ADD2: variants seen among roughly 807,000 people sequenced by gnomAD.
The protein encoded by ADD2 is beta-adducin.
ADD2 carries 23 observed loss-of-function variants against 83.0 expected under a neutral mutation model. The ratio of observed to expected loss-of-function variants is 0.28; its 90% CI spans 0.20 to 0.39. ADD2 has a LOEUF of 0.39. Ranked by LOEUF, ADD2 falls within the 10% of genes least tolerant of loss-of-function variation. The pLI is 1.00. For synonymous variants in ADD2, 375 were observed against 375.4 expected, an observed-to-expected ratio of 1.00 and a Z score of 0.01; for missense variants, 758 against 944.9, an observed-to-expected ratio of 0.80 and a Z score of 2.59.
chr2:70,767,670 C>G, intron 1 of ADD2: 1 of 1,376,068 alleles, frequency 7.3e-7, no homozygotes, highest in Non-Finnish European at 9.3e-7. Context: ...CTTGCAGCCC[C>G]GATTTCCTAA....
intron 1 of ADD2, among the ~76,000 whole-genome samples, chr2:70,729,866 G>A (rs1439594558): frequency 6.6e-6 from 1 of 152,190 alleles, no homozygotes; most frequent in Admixed American, 6.5e-5. Context: ...TTCCAGGCTT[G>A]CATTTCCAGC....
intron 15 of ADD2, among the ~76,000 whole-genome samples, chr2:70,668,487 CT>C (rs1553366546): frequency 6.6e-6 from 1 of 152,214 alleles, no homozygotes; most frequent in Admixed American, 6.5e-5. Flanking sequence ...TGTCATTTAT[CT>C]TTTTTTCTTT....
intron 15 of ADD2, among the ~76,000 whole-genome samples, chr2:70,669,458 T>A (rs1304539137): frequency 1.3e-5 from 2 of 152,206 alleles, no homozygotes; most frequent in Non-Finnish European, 2.9e-5. Context: ...CCCCAAAAAC[T>A]GAGAGTACCA....
chr2:70,678,105 AAG>A (rs1286662144), intron 11 of ADD2, among the ~76,000 whole-genome samples: 72 of 152,204 alleles, frequency 4.7e-4, no homozygotes, highest in Non-Finnish European at 1.3e-4. Flanking sequence ...GTCGGCTATA[AAG>A]AACATCCAAG....
At chr2:70,747,568 T>C (rs3821251) in intron 1 of ADD2, among the ~76,000 whole-genome samples, 98,342 of 151,808 alleles carry the variant, frequency 0.65, 32,934 homozygotes, top group East Asian at 0.9. Flanking sequence ...GGCTCTATCA[T>C]GCCACATGCT....
Position 70,706,187 on chromosome 2 carries a change from C to A in ADD2, c.183+39G>T. 1 of 1,600,624 alleles carries A rather than the reference C, an allele frequency of 6.2e-7. No individual in the cohort carries two copies. Among genetic ancestry groups the A allele is most frequent in the South Asian group, 1.1e-5 (1 of 89,502 alleles). On this transcript the variant is annotated intron_variant, in intron 3 of 15. Transcript: ENST00000264436. The surrounding 1 kb of genome is among the most constrained non-coding windows in gnomAD (Gnocchi z 5.0). ...GGGTACACGTCCTGAAGAGCCAGCG[C>A]CCCCTGCGCCCTCTCCCGCCCGGGT...
At position 70,676,635 on chromosome 2, in the gene ADD2, C is replaced by T; in HGVS notation, c.1593+161G>A. On this transcript the variant is annotated intron_variant, in intron 13 of 15. Transcript: ENST00000264436. The surrounding 1 kb of genome is among the most constrained non-coding windows in gnomAD (Gnocchi z 4.8). The stretch of plus-strand genomic sequence containing the variant: ...TGTCCTCCCTGGTCCTCACAGCACC[C>T]CTGTGAGGTTGGCCTCCATTTTGCA... The T allele has an allele frequency of 6.8e-7, 1 of 1,478,482 alleles. No homozygotes were observed. 91.6% of individuals were successfully genotyped at this position (1,478,482 alleles called of 1,614,324 possible).
Position 70,665,818 on chromosome 2 carries a change from G to GT in ADD2, c.1871-2084dup, listed in dbSNP as rs36101912. Among the ~76,000 whole-genome samples, 843 of 144,376 alleles carry GT rather than the reference G, an allele frequency of 5.8e-3. 15 individuals carry two copies. The East Asian group carries it at 0.064, about 11-fold the overall frequency. 94.7% of individuals were successfully genotyped at this position (144,376 alleles called of 152,430 possible). ...GCAAAACGATCACACTTGTTTTTTT[G>GT]TTTTTTTTTTTTTCCCGAAACAGTC... On this transcript the variant is annotated intron_variant, in intron 15 of 15. Coordinates refer to ENST00000264436, the MANE Select transcript of ADD2 (RefSeq NM_001617.4).
At chr2:70,686,448 G>T (rs1670731858) in intron 9 of ADD2, among the ~76,000 whole-genome samples, 1 of 152,262 alleles carries the variant, frequency 6.6e-6, no homozygotes, top group Middle Eastern at 3.4e-3. Flanking sequence ...CCTTGAAACT[G>T]CCCAGAAACT....
intron 1 of ADD2, among the ~76,000 whole-genome samples, chr2:70,735,774 T>C (rs1268764092): frequency 2.0e-5 from 3 of 149,808 alleles, no homozygotes; most frequent in African/African-American, 7.4e-5. Flanking sequence ...CAGGCTGGAG[T>C]GCAGTGGCGT....
chr2:70,761,398 C>A (rs1419165665), intron 1 of ADD2, among the ~76,000 whole-genome samples: 1 of 146,858 alleles, frequency 6.8e-6, no homozygotes. Flanking sequence ...CACCTGAGAT[C>A]AGGAGTTTGA....
intron 1 of ADD2, among the ~76,000 whole-genome samples, chr2:70,741,867 G>A (rs552608508): frequency 9.2e-5 from 14 of 152,220 alleles, no homozygotes; most frequent in African/African-American, 3.4e-4. Context: ...CAGCAGCCTC[G>A]GTCACAATAC....
chr2:70,762,084 G>A (rs972818898), intron 1 of ADD2, among the ~76,000 whole-genome samples: 4 of 151,838 alleles, frequency 2.6e-5, no homozygotes, highest in East Asian at 1.9e-4. Context: ...AAGAAAGGGG[G>A]TGGAAAAATA....
chr2:70,712,755 A>G (rs1558552387), intron 2 of ADD2, among the ~76,000 whole-genome samples: 1 of 152,170 alleles, frequency 6.6e-6, no homozygotes, highest in Non-Finnish European at 1.5e-5. Flanking sequence ...GCTGCTCAGT[A>G]ATGGGAAGGT....
chr2:70,689,729 G>A (rs913796926), intron 8 of ADD2, among the ~76,000 whole-genome samples: 1 of 152,198 alleles, frequency 6.6e-6, no homozygotes, highest in Non-Finnish European at 1.5e-5. Flanking sequence ...CATCAACCAA[G>A]ACTAGCCTCC....
Position 70,674,666 on chromosome 2 carries a change from A to C in ADD2, c.1741+12T>G. The C allele has an allele frequency of 6.2e-7, 1 of 1,611,768 alleles. No homozygotes were observed. Among genetic ancestry groups the C allele is most frequent in the Non-Finnish European group, 8.5e-7 (1 of 1,178,808 alleles). On this transcript the variant is annotated intron_variant, in intron 14 of 15. Transcript: ENST00000264436. Reference sequence around the variant, plus strand: ...GGACTTGGAAGCAAGGGTGTGCCTCAGGGTCATTTACCATCAAGTTCTAGT... The same window carrying C: ...GGACTTGGAAGCAAGGGTGTGCCTCCGGGTCATTTACCATCAAGTTCTAGT...
At chr2:70,680,895 C>T (rs1319878962) in intron 10 of ADD2, among the ~76,000 whole-genome samples, 1 of 152,190 alleles carries the variant, frequency 6.6e-6, no homozygotes, top group Non-Finnish European at 1.5e-5. Flanking sequence ...CTTCTAGCCT[C>T]ACAAGCTGGC....
Position 70,662,548 on chromosome 2 carries a change from T to C in ADD2, c.*877A>G, listed in dbSNP as rs1675578990. 1 of 152,230 alleles carries C rather than the reference T, an allele frequency of 6.6e-6. No homozygotes were observed. Among genetic ancestry groups the C allele is most frequent in the African/African-American group, 2.4e-5 (1 of 41,456 alleles). 9.4% of individuals were successfully genotyped at this position (152,230 alleles called of 1,614,324 possible). On this transcript the variant is annotated 3_prime_UTR_variant, in exon 16 of 16. Transcript: ENST00000264436. The stretch of plus-strand genomic sequence containing the variant: ...CATGCAAAGCTAGAAAGTCAGCATT[T>C]CCTCTGTTGTTTTGATCCTCCTTAT...
intron 1 of ADD2, among the ~76,000 whole-genome samples, chr2:70,754,066 G>A (rs1339276928): frequency 6.6e-6 from 1 of 152,132 alleles, no homozygotes; most frequent in African/African-American, 2.4e-5. Context: ...GGGTGAGGCA[G>A]GAATTAATGA....
Sources: gnomAD v4.1 joint callset for allele counts (sites outside exome capture counted in the v4.1 genomes callset) on GRCh38, gnomAD v4.1.1 for gene constraint, Gnocchi (gnomAD v3.1) non-coding constraint, MANE v1.5 for transcripts, NCBI Gene and HGNC (gene_info 2026-07-23, HGNC 2026-07-21) for gene names.